The following TMEM243 variants were observed in gnomAD, a reference collection of about 807,000 sequenced individuals.
TMEM243 encodes the protein MDR1 and mitochondrial taxol resistance associated.
In TMEM243, 20 loss-of-function variants were observed where a neutral mutation model predicts 15.0. That is an observed-to-expected ratio of 1.33 (90% confidence interval 0.94 to 1.93). The LOEUF (loss-of-function observed/expected upper bound fraction) is 1.93. TMEM243 is among the 30% of genes most tolerant of loss of function. The pLI is 0.00. For missense variants in TMEM243, 156 were observed against 142.1 expected (o/e 1.10, Z -0.50); for synonymous variants, 72 against 52.7 (o/e 1.37, Z -1.59).
In TMEM243 at chr7:87,197,688, ATTTTTTTTTTTTT is replaced by A. The variant is rs71906317; in HGVS notation, c.234+240_234+252del. On this transcript the variant is annotated intron_variant, in intron 3 of 3. Coordinates refer to ENST00000257637, the MANE Select transcript of TMEM243 (RefSeq NM_024315.4). ...TTTGGCCACCTACGTCTTTCCACTA[ATTTTTTTTTTTTT>A]TTTTTTTTTTTTTTTAAGCTATCAA... 6 of 982,072 alleles carry A rather than the reference ATTTTTTTTTTTTT, an allele frequency of 6.1e-6. No individual in the cohort carries two copies. In the South Asian group the frequency reaches 6.6e-5, roughly 11 times the overall value. The allele number at this position is 982,072 out of a possible 1,614,324, so 60.8% of individuals were successfully genotyped here.
chr7:87,198,392 A>C, intron 2 of TMEM243: 1 of 212,422 alleles, frequency 4.7e-6, no homozygotes. Context: ...AATGAATATA[A>C]TCAAAGCTGG....
chr7:87,217,705 T>G (rs895370730), intron 1 of TMEM243, among the ~76,000 whole-genome samples: 1 of 152,244 alleles, frequency 6.6e-6, no homozygotes, highest in Non-Finnish European at 1.5e-5. Flanking sequence ...CTGAAGCTAT[T>G]ATTACAATGC....
rs375275156 is a variant in TMEM243 at position 87,219,389 on chromosome 7, C to G, written c.78+37G>C. On this transcript the variant is annotated intron_variant, in intron 1 of 3. Coordinates refer to ENST00000257637, the MANE Select transcript of TMEM243 (RefSeq NM_024315.4). ...CGCCAGAGGGCAGGCAGCAGACACA[C>G]CCCCCATCCCAGTCTGGAGTCACAA... 7 of 1,598,774 alleles carry G rather than the reference C, an allele frequency of 4.4e-6. No homozygotes were observed. The Admixed American group carries it at 5.0e-5, about 11-fold the overall frequency.
intron 1 of TMEM243, among the ~76,000 whole-genome samples, chr7:87,213,502 G>C: frequency 6.6e-6 from 1 of 152,194 alleles, no homozygotes; most frequent in Non-Finnish European, 1.5e-5. Context: ...ACTCCTCAGA[G>C]AATAGCATTG....
chr7:87,205,849 C>G (rs887393867), intron 1 of TMEM243, among the ~76,000 whole-genome samples: 10 of 152,190 alleles, frequency 6.6e-5, no homozygotes, highest in Non-Finnish European at 1.5e-4. Flanking sequence ...TCCAACCTGC[C>G]TGTTACCCAG....
chr7:87,196,591 T>C lies in TMEM243; in HGVS notation c.*45A>G, dbSNP rs767120754. The C allele has an allele frequency of 6.3e-7, 1 of 1,577,536 alleles. No individual in the cohort carries two copies. The highest frequency in any genetic ancestry group is 1.9e-5 in the Admixed American group (1 of 51,470). On this transcript the variant is annotated 3_prime_UTR_variant, in exon 4 of 4. Coordinates refer to ENST00000257637, the MANE Select transcript of TMEM243 (RefSeq NM_024315.4). ...ATCCAAAAATTACTCACTGTCCTAA[T>C]GTATCATTTTGAAGAGTCCTGGTAA...
intron 1 of TMEM243, among the ~76,000 whole-genome samples, chr7:87,202,634 G>A (rs778974708): frequency 3.3e-5 from 5 of 152,176 alleles, no homozygotes; most frequent in Admixed American, 6.5e-5. Flanking sequence ...CACACGGCTA[G>A]GTAATGGCAA....
At chr7:87,197,806 AAC>A (rs1472478131) in intron 3 of TMEM243, 133 bp downstream of exon 3, 1 of 1,533,926 alleles carries the variant, frequency 6.5e-7, no homozygotes, top group South Asian at 1.2e-5. Context: ...TGAGAATTCT[AAC>A]ATACTTTTAG....
intron 1 of TMEM243, among the ~76,000 whole-genome samples, chr7:87,206,514 A>T (rs1029513853): frequency 1.3e-5 from 2 of 152,046 alleles, no homozygotes; most frequent in Non-Finnish European, 2.9e-5. Context: ...ATAGTACCAA[A>T]CCCTATACAT....
chr7:87,209,920 G>GTGAGA (rs1562885943), intron 1 of TMEM243, among the ~76,000 whole-genome samples: 2 of 138,994 alleles, frequency 1.4e-5, no homozygotes, highest in Non-Finnish European at 3.1e-5. Context: ...CAGAGAGAGA[G>GTGAGA]GACAGTGAGA....
intron 1 of TMEM243, among the ~76,000 whole-genome samples, chr7:87,217,325 A>G (rs1803184492): frequency 6.6e-6 from 1 of 152,156 alleles, no homozygotes; most frequent in Non-Finnish European, 1.5e-5. Context: ...ACCCACACAC[A>G]AGAGCAAGGG....
intron 1 of TMEM243, among the ~76,000 whole-genome samples, chr7:87,218,015 C>T (rs1803231584): frequency 6.6e-6 from 1 of 152,272 alleles, no homozygotes; most frequent in African/African-American, 2.4e-5. Context: ...TGTGCTGAAG[C>T]ACGCTGGGGA....
At chr7:87,212,505 C>T (rs1034934685) in intron 1 of TMEM243, among the ~76,000 whole-genome samples, 5 of 152,140 alleles carry the variant, frequency 3.3e-5, no homozygotes, top group African/African-American at 4.8e-5. Context: ...CCAGAGAAAA[C>T]TCAGTAGACC....
upstream of TMEM243, chr7:87,219,815 T>G (rs915978767): frequency 7.9e-6 from 3 of 381,604 alleles, no homozygotes; most frequent in East Asian, 5.8e-5. Context: ...TCTCAGCCCT[T>G]GGCGCCGCGT....
intron 1 of TMEM243, among the ~76,000 whole-genome samples, chr7:87,207,712 T>C (rs956345082): frequency 1.3e-5 from 2 of 152,222 alleles, no homozygotes; most frequent in Admixed American, 6.5e-5. Context: ...AACTCCATTT[T>C]TGGTGTTACT....
At chr7:87,213,871 C>A (rs554262866) in intron 1 of TMEM243, among the ~76,000 whole-genome samples, 45 of 152,038 alleles carry the variant, frequency 3.0e-4, no homozygotes, top group Non-Finnish European at 5.7e-4. Context: ...CTACACTTGC[C>A]CCCTCCACAG....
rs754237236 is a variant in TMEM243 at position 87,219,636 on chromosome 7, T to G, written c.-133A>C. 1.4e-4 allele frequency: 107 copies of G among 762,326 alleles called. No homozygotes were observed. Among genetic ancestry groups the G allele is most frequent in the Non-Finnish European group, 2.2e-5 (10 of 457,546 alleles). The allele number at this position is 762,326 out of a possible 1,614,324, so 47.2% of individuals were successfully genotyped here. A position where few individuals can be genotyped will look rare whatever the true frequency, so the allele number is the denominator to read the frequency against. On this transcript the variant is annotated 5_prime_UTR_variant, in exon 1 of 4. Transcript: ENST00000257637. ...CGAACCCGAGTGGTCGGGGAAGCGC[T>G]GGCGCCAGGGATGGGTGGGGGCTCA...
chr7:87,197,692 T>TC, intron 3 of TMEM243: 2 of 942,492 alleles, frequency 2.1e-6, no homozygotes, highest in Non-Finnish European at 1.3e-6. Flanking sequence ...CCACTAATTT[T>TC]TTTTTTTTTT....
At chr7:87,215,514 C>T (rs1300834686) in intron 1 of TMEM243, among the ~76,000 whole-genome samples, 4 of 152,130 alleles carry the variant, frequency 2.6e-5, no homozygotes, top group African/African-American at 7.2e-5. Context: ...TATACTTTTT[C>T]ATATGGCTAC....
Sources: gnomAD v4.1 joint callset for allele counts (sites outside exome capture counted in the v4.1 genomes callset) on GRCh38, gnomAD v4.1.1 for gene constraint, MANE v1.5 for transcripts, NCBI Gene and HGNC (gene_info 2026-07-23, HGNC 2026-07-21) for gene names.